Variants in MAPK10 observed in about 807,000 individuals in gnomAD.
MAPK10 encodes mitogen-activated protein kinase 10.
Under a neutral mutation model 59.3 loss-of-function variants are expected in MAPK10, and 25 were observed. The ratio of observed to expected loss-of-function variants is 0.42; its 90% confidence interval spans 0.31 to 0.59. The LOEUF is 0.59. MAPK10 is among the 20% of genes least tolerant of loss of function. MAPK10 has a pLI of 0.15. For missense variants in MAPK10, 351 were observed against 568.9 expected (o/e 0.62, Z 3.90); for synonymous variants, 190 against 200.5 (o/e 0.95, Z 0.44).
intron 1 of MAPK10, among the ~76,000 whole-genome samples, chr4:86,505,273 C>G (rs1222706172): frequency 6.6e-6 from 1 of 152,042 alleles, no homozygotes; most frequent in Non-Finnish European, 1.5e-5. Context: ...GCCCATATAA[C>G]CTGCCCATGT....
intron 2 of MAPK10, among the ~76,000 whole-genome samples, chr4:86,295,963 G>A (rs1482946042): frequency 6.6e-6 from 1 of 151,156 alleles, no homozygotes; most frequent in Non-Finnish European, 1.5e-5. Context: ...ATCACCTGAG[G>A]TCAGGAGTTT....
At chr4:86,552,924 T>C (rs568872379) in intron 1 of MAPK10, among the ~76,000 whole-genome samples, 1 of 152,254 alleles carries the variant, frequency 6.6e-6, no homozygotes, top group Non-Finnish European at 1.5e-5. Context: ...ATCACATCCA[T>C]GAGACTTGTA....
chr4:86,516,652 T>TGTTTTTTG (rs1554276095), intron 1 of MAPK10, among the ~76,000 whole-genome samples: 2 of 149,494 alleles, frequency 1.3e-5, no homozygotes, highest in Admixed American at 1.3e-4. Flanking sequence ...TTTGTTTGTT[T>TGTTTTTTG]TTTGTTTGTT....
intron 1 of MAPK10, among the ~76,000 whole-genome samples, chr4:86,378,554 GGAT>G (rs1385761670): frequency 1.3e-5 from 2 of 152,184 alleles, no homozygotes; most frequent in Non-Finnish European, 2.9e-5. Context: ...GTGAGGATGA[GGAT>G]GATATTTTGT....
At position 86,200,725 on chromosome 4, in the gene MAPK10, G is replaced by T. The variant is rs564878985; in HGVS notation, c.-6-6318C>A. The stretch of plus-strand genomic sequence containing the variant: ...TAATTTTTTAATATCTAATTTTTAT[G>T]GATACATGACAGCTATACATATTTA... On this transcript the variant is annotated intron_variant, in intron 2 of 13. Coordinates refer to ENST00000641462, the MANE Select transcript of MAPK10 (RefSeq NM_138982.4). Among the ~76,000 whole-genome samples the T allele has an allele frequency of 2.6e-5, 4 of 151,828 alleles. No individual in the cohort carries two copies. In the South Asian group the frequency reaches 8.3e-4, roughly 32 times the overall value.
At chr4:86,314,403 A>AT (rs918388343) in intron 2 of MAPK10, among the ~76,000 whole-genome samples, 10 of 152,126 alleles carry the variant, frequency 6.6e-5, no homozygotes, top group African/African-American at 2.4e-4. Flanking sequence ...ATGGTAGTGA[A>AT]TAAGTCTCAC....
intron 13 of MAPK10, among the ~76,000 whole-genome samples, chr4:86,022,507 CTTCTTT>C (rs1459442983): frequency 1.3e-5 from 2 of 151,266 alleles, no homozygotes; most frequent in African/African-American, 4.9e-5. Flanking sequence ...TGCTTTCTTT[CTTCTTT>C]ATTTCTTTTT....
At chr4:86,355,368 C>T (rs891810335) in intron 1 of MAPK10, among the ~76,000 whole-genome samples, 1 of 152,050 alleles carries the variant, frequency 6.6e-6, no homozygotes, top group Admixed American at 6.6e-5. Flanking sequence ...CTACCACCCT[C>T]TCACTATCCC....
At chr4:86,480,325 C>G (rs185142307) in intron 1 of MAPK10, among the ~76,000 whole-genome samples, 34,203 of 151,690 alleles carry the variant, frequency 0.23, 4,735 homozygotes, top group Admixed American at 0.31. Flanking sequence ...GTGACCCCCC[C>G]ACTCCTGCCC....
At chr4:86,291,462 T>A (rs970540804) in intron 2 of MAPK10, among the ~76,000 whole-genome samples, 1 of 152,214 alleles carries the variant, frequency 6.6e-6, no homozygotes, top group Non-Finnish European at 1.5e-5. Flanking sequence ...GGCCCAAGCA[T>A]GCCCCAACTC....
At chr4:86,261,757 A>G (rs1460756) in intron 2 of MAPK10, among the ~76,000 whole-genome samples, 66,224 of 152,154 alleles carry the variant, frequency 0.44, 16,494 homozygotes, top group African/African-American at 0.68. Flanking sequence ...GTTGTTACAA[A>G]AGATACTGGC....
At chr4:86,221,939 T>C (rs989234256) in intron 2 of MAPK10, among the ~76,000 whole-genome samples, 8 of 152,142 alleles carry the variant, frequency 5.3e-5, no homozygotes, top group Non-Finnish European at 1.2e-4. Flanking sequence ...TTTTGTGAGA[T>C]CTAATTGTTT....
chr4:86,107,459 GAT>G, intron 4 of MAPK10, 107 bp from the exon 5 acceptor site: 1 of 1,468,508 alleles, frequency 6.8e-7, no homozygotes, highest in Non-Finnish European at 9.0e-7. Context: ...CGGAATCTTA[GAT>G]ACTGTCTACT....
chr4:86,168,233 C>A (rs560660697), intron 3 of MAPK10, among the ~76,000 whole-genome samples: 2 of 152,186 alleles, frequency 1.3e-5, no homozygotes, highest in East Asian at 1.9e-4. Flanking sequence ...TGCAACGCAC[C>A]GTGCACCAGC....
At chr4:86,434,158 A>T (rs1250494462) in intron 1 of MAPK10, among the ~76,000 whole-genome samples, 1 of 152,306 alleles carries the variant, frequency 6.6e-6, no homozygotes, top group East Asian at 1.9e-4. Context: ...CAGTCTTTTC[A>T]ATAGACGATA....
At chr4:86,570,397 T>C (rs1048265635) in intron 1 of MAPK10, among the ~76,000 whole-genome samples, 1 of 152,146 alleles carries the variant, frequency 6.6e-6, no homozygotes, top group Admixed American at 6.6e-5. Flanking sequence ...AGAAAAATGT[T>C]ATCCCCCACC....
At chr4:86,371,903 A>C (rs1449082424) in intron 1 of MAPK10, among the ~76,000 whole-genome samples, 1 of 152,146 alleles carries the variant, frequency 6.6e-6, no homozygotes, top group Non-Finnish European at 1.5e-5. Context: ...AGACCTACAA[A>C]GAGACTTAGA....
At chr4:86,581,060 A>G (rs1243539058) in intron 1 of MAPK10, among the ~76,000 whole-genome samples, 4 of 152,198 alleles carry the variant, frequency 2.6e-5, no homozygotes, top group Non-Finnish European at 5.9e-5. Context: ...TTTTGCTTCA[A>G]TTCTAAATGA....
chr4:86,458,215 GCT>G (rs1751407587), upstream of MAPK10, among the ~76,000 whole-genome samples: 1 of 151,862 alleles, frequency 6.6e-6, no homozygotes, highest in Non-Finnish European at 1.5e-5. Flanking sequence ...CAGGAGAATT[GCT>G]TGAACCTGGG....
Sources: gnomAD v4.1 joint callset for allele counts (sites outside exome capture counted in the v4.1 genomes callset) on GRCh38, gnomAD v4.1.1 for gene constraint, MANE v1.5 for transcripts, NCBI Gene and HGNC (gene_info 2026-07-23, HGNC 2026-07-21) for gene names.